OR10J1: variants seen among roughly 807,000 people sequenced by gnomAD.
The protein encoded by OR10J1 is olfactory receptor 10J1.
For synonymous variants in OR10J1, 202 were observed against 143.8 expected (o/e 1.40, Z -2.89); for missense variants, 474 against 376.6 (o/e 1.26, Z -2.14).
chr1:159,415,823 A>G, the OR10J1 span, among the ~76,000 whole-genome samples: 1 of 151,940 alleles, frequency 6.6e-6, no homozygotes, highest in Non-Finnish European at 1.5e-5. Flanking sequence ...TATGAACGAG[A>G]CATCTTTTCA....
At chr1:159,435,126 G>A (rs1469117962), upstream of OR10J1, among the ~76,000 whole-genome samples, 1 of 152,138 alleles carries the variant, frequency 6.6e-6, no homozygotes, top group African/African-American at 2.4e-5. Flanking sequence ...CCTAAGCAAA[G>A]TGGTGTCTAT....
At chr1:159,401,034 A>C in the OR10J1 span, among the ~76,000 whole-genome samples, 1 of 151,890 alleles carries the variant, frequency 6.6e-6, no homozygotes, top group African/African-American at 2.4e-5. Flanking sequence ...TCAATGAAAT[A>C]TTGAAAACTT....
chr1:159,412,747 T>G, the OR10J1 span, among the ~76,000 whole-genome samples: 8 of 151,806 alleles, frequency 5.3e-5, no homozygotes, highest in Admixed American at 5.3e-4. Flanking sequence ...GAAGAAAACC[T>G]AGGCGTTACC....
At chr1:159,416,244 T>A in the OR10J1 span, among the ~76,000 whole-genome samples, 1 of 152,046 alleles carries the variant, frequency 6.6e-6, no homozygotes, top group East Asian at 1.9e-4. Flanking sequence ...AAAGGGAGAA[T>A]CCTTGTCTTG....
chr1:159,436,000 G>C (rs144020230), upstream of OR10J1, among the ~76,000 whole-genome samples: 55 of 152,236 alleles, frequency 3.6e-4, no homozygotes, highest in East Asian at 9.6e-3. Context: ...AGGGTTATTT[G>C]GAGGCCTATG....
At chr1:159,403,033 G>A in the OR10J1 span, among the ~76,000 whole-genome samples, 2 of 152,058 alleles carry the variant, frequency 1.3e-5, no homozygotes, top group Non-Finnish European at 2.9e-5. Context: ...TCAATAAATG[G>A]TGCTGGGAAA....
At chr1:159,427,457 G>A in the OR10J1 span, among the ~76,000 whole-genome samples, 1 of 151,730 alleles carries the variant, frequency 6.6e-6, no homozygotes, top group South Asian at 2.1e-4. Flanking sequence ...TTATCAAGTA[G>A]GATACAAGGA....
the OR10J1 span, among the ~76,000 whole-genome samples, chr1:159,407,666 T>C: frequency 2.0e-5 from 3 of 152,172 alleles, no homozygotes; most frequent in African/African-American, 4.8e-5. Context: ...AATGTGGTTA[T>C]GTAGTTAATT....
chr1:159,438,885 A>T (rs1431217421), upstream of OR10J1, among the ~76,000 whole-genome samples: 1 of 152,056 alleles, frequency 6.6e-6, no homozygotes, highest in East Asian at 1.9e-4. Context: ...CTGTTTTTTT[A>T]TATTCAGGGT....
the OR10J1 span, among the ~76,000 whole-genome samples, chr1:159,427,966 G>T: frequency 1.3e-5 from 2 of 152,074 alleles, no homozygotes; most frequent in African/African-American, 4.8e-5. Flanking sequence ...GTCAATGAAT[G>T]CAGAAAAGAA....
chr1:159,400,308 TC>T, the OR10J1 span, among the ~76,000 whole-genome samples: 1 of 151,702 alleles, frequency 6.6e-6, no homozygotes, highest in Non-Finnish European at 1.5e-5. Flanking sequence ...AAAAACAAGA[TC>T]CATTGATCTT....
chr1:159,423,453 C>A, the OR10J1 span, among the ~76,000 whole-genome samples: 2 of 152,132 alleles, frequency 1.3e-5, no homozygotes, highest in African/African-American at 2.4e-5. Context: ...GACAGTGTCT[C>A]CCTGTGGAGC....
the OR10J1 span, among the ~76,000 whole-genome samples, chr1:159,412,637 T>C: frequency 2.0e-5 from 3 of 151,362 alleles, no homozygotes; most frequent in Non-Finnish European, 4.4e-5. Flanking sequence ...TAGCCATATG[T>C]AGAAAGCTGA....
At chr1:159,431,159 A>C in the OR10J1 span, among the ~76,000 whole-genome samples, 1 of 152,184 alleles carries the variant, frequency 6.6e-6, no homozygotes, top group Non-Finnish European at 1.5e-5. Flanking sequence ...AGAAAGCAGG[A>C]CTGAAAAGAG....
the OR10J1 span, chr1:159,432,583 T>A: frequency 6.4e-6 from 3 of 471,908 alleles, no homozygotes; most frequent in Middle Eastern, 6.1e-4. Flanking sequence ...TATGTGGCCA[T>A]CTGCAACCCT....
At chr1:159,408,897 G>A in the OR10J1 span, among the ~76,000 whole-genome samples, 1 of 151,984 alleles carries the variant, frequency 6.6e-6, no homozygotes, top group African/African-American at 2.4e-5. Flanking sequence ...ATGGATCTAG[G>A]ACTTTGTGCT....
At chr1:159,410,832 A>T in the OR10J1 span, among the ~76,000 whole-genome samples, 2 of 149,990 alleles carry the variant, frequency 1.3e-5, no homozygotes, top group South Asian at 4.3e-4. Context: ...TCTTGTGGGC[A>T]TTTAGTGCTA....
At chr1:159,424,887 T>C in the OR10J1 span, among the ~76,000 whole-genome samples, 1 of 151,446 alleles carries the variant, frequency 6.6e-6, no homozygotes, top group East Asian at 1.9e-4. Flanking sequence ...AGAAAGAAAA[T>C]AAGAAAGGAA....
the OR10J1 span, among the ~76,000 whole-genome samples, chr1:159,412,980 C>G: frequency 1.2e-4 from 18 of 151,894 alleles, 1 homozygote; most frequent in Admixed American, 1.1e-3. Context: ...TGAACTCAAA[C>G]AAATTTACAA....
Sources: gnomAD v4.1 joint callset for allele counts (sites outside exome capture counted in the v4.1 genomes callset) on GRCh38, gnomAD v4.1.1 for gene constraint, MANE v1.5 for transcripts, NCBI Gene and HGNC (gene_info 2026-07-23, HGNC 2026-07-21) for gene names.